The following MDGA2 variants were observed in gnomAD, a reference collection of about 807,000 sequenced individuals.
The protein encoded by MDGA2 is MAM domain-containing glycosylphosphatidylinositol anchor protein 2.
In MDGA2, 40 loss-of-function variants were observed where a neutral mutation model predicts 117.8. The observed-to-expected ratio is 0.34, with a 90% CI of 0.26 to 0.44. MDGA2 has a LOEUF of 0.44. MDGA2 is among the 20% of genes least tolerant of loss of function. MDGA2 has a pLI of 1.00. For synonymous variants in MDGA2, 452 were observed against 439.0 expected (o/e 1.03, Z -0.37); for missense variants, 1,123 against 1,250.6 (o/e 0.90, Z 1.54).
chr14:47,346,398 A>G (rs1890763233), intron 1 of MDGA2, among the ~76,000 whole-genome samples: 1 of 152,180 alleles, frequency 6.6e-6, no homozygotes, highest in Admixed American at 6.5e-5. Flanking sequence ...AAAAATATGC[A>G]AATTTTATAC....
intron 1 of MDGA2, among the ~76,000 whole-genome samples, chr14:47,477,339 T>C (rs1189459698): frequency 6.6e-6 from 1 of 152,148 alleles, no homozygotes; most frequent in African/African-American, 2.4e-5. Flanking sequence ...TTAGAAAACA[T>C]GTATTTCAAT....
intron 1 of MDGA2, among the ~76,000 whole-genome samples, chr14:47,552,594 C>G (rs950032957): frequency 2.0e-5 from 3 of 152,114 alleles, no homozygotes; most frequent in Admixed American, 2.0e-4. Context: ...ATGGTCCAAA[C>G]CATCACCATC....
chr14:47,259,464 T>G (rs928492422), intron 2 of MDGA2, among the ~76,000 whole-genome samples: 2 of 152,118 alleles, frequency 1.3e-5, no homozygotes, highest in Non-Finnish European at 2.9e-5. Flanking sequence ...GCTTTTCTCC[T>G]TAAAAAACTC....
intron 2 of MDGA2, among the ~76,000 whole-genome samples, chr14:47,279,320 GTGTTAGATTAAGCTAGTT>G (rs1888402482): frequency 2.0e-5 from 3 of 152,164 alleles, no homozygotes; most frequent in Admixed American, 2.0e-4. Context: ...TTATTAATAA[GTGTTAGATTAAGCTAGTT>G]TTGGTCTAAG....
chr14:47,108,646 C>G (rs1261437428), intron 5 of MDGA2, among the ~76,000 whole-genome samples: 2 of 151,054 alleles, frequency 1.3e-5, no homozygotes, highest in Non-Finnish European at 3.0e-5. Context: ...AACGGCCCCA[C>G]CCTTATCTCC....
chr14:46,853,426 G>A (rs1881140779), intron 15 of MDGA2, among the ~76,000 whole-genome samples: 1 of 151,638 alleles, frequency 6.6e-6, no homozygotes, highest in African/African-American at 2.4e-5. Flanking sequence ...TGAACACAAA[G>A]CACATATAGA....
At chr14:47,063,672 T>C (rs1202095581) in intron 6 of MDGA2, among the ~76,000 whole-genome samples, 1 of 152,036 alleles carries the variant, frequency 6.6e-6, no homozygotes, top group Non-Finnish European at 1.5e-5. Context: ...TTTCCCTTCA[T>C]TTGCTAAGAA....
chr14:47,297,426 A>G, intron 2 of MDGA2, among the ~76,000 whole-genome samples: 1 of 127,240 alleles, frequency 7.9e-6, no homozygotes, highest in Non-Finnish European at 1.6e-5. Context: ...AGGAGAGGGG[A>G]GTGGAGGGGA....
intron 2 of MDGA2, among the ~76,000 whole-genome samples, chr14:47,280,070 T>G (rs1594769730): frequency 6.6e-6 from 1 of 151,606 alleles, no homozygotes; most frequent in Admixed American, 6.6e-5. Flanking sequence ...TCTGAGCACT[T>G]CTGGGAGGCC....
chr14:47,289,112 T>C (rs561364959), intron 2 of MDGA2, among the ~76,000 whole-genome samples: 1 of 152,172 alleles, frequency 6.6e-6, no homozygotes, highest in Non-Finnish European at 1.5e-5. Context: ...TAATGAGTGT[T>C]TCATTAGATT....
chr14:47,106,500 T>C (rs543475696), intron 5 of MDGA2, among the ~76,000 whole-genome samples: 65 of 151,834 alleles, frequency 4.3e-4, no homozygotes, highest in South Asian at 1.9e-3. Context: ...GCCCGCAGCC[T>C]GGGATTCCTC....
At chr14:47,274,180 C>A (rs1209300617) in intron 2 of MDGA2, among the ~76,000 whole-genome samples, 1 of 151,990 alleles carries the variant, frequency 6.6e-6, no homozygotes, top group East Asian at 1.9e-4. Context: ...TTTTGGTTCC[C>A]TCTAAAAGAA....
rs1345398176 is a variant in MDGA2 at position 46,867,155 on chromosome 14, A to G, written c.2752+6278T>C. On this transcript the variant is annotated intron_variant, in intron 14 of 16. Transcript: ENST00000399232. ...TTGGAACCAACCCAAATGTCCAACA[A>G]TGATAGACTGGATTAAGAAAATGTG... Among the ~76,000 whole-genome samples, 21 of 152,342 alleles carry G rather than the reference A, an allele frequency of 1.4e-4. No homozygotes were observed. The East Asian group carries it at 1.7e-3, about 13-fold the overall frequency.
intron 6 of MDGA2, among the ~76,000 whole-genome samples, chr14:47,082,792 A>G (rs1400147340): frequency 6.6e-6 from 1 of 152,070 alleles, no homozygotes; most frequent in Non-Finnish European, 1.5e-5. Context: ...TAAAATAGCT[A>G]TGATAGAAAT....
intron 1 of MDGA2, among the ~76,000 whole-genome samples, chr14:47,407,386 A>C (rs1207397152): frequency 6.6e-6 from 1 of 152,128 alleles, no homozygotes; most frequent in Non-Finnish European, 1.5e-5. Context: ...CATTTTACTA[A>C]TAATGCAGTA....
intron 1 of MDGA2, among the ~76,000 whole-genome samples, chr14:47,314,948 T>C (rs1314227680): frequency 2.0e-5 from 3 of 152,152 alleles, no homozygotes; most frequent in East Asian, 3.9e-4. Context: ...TTGCATATTG[T>C]GTACCTAGAG....
chr14:47,302,029 G>T (rs1033976978), intron 1 of MDGA2, among the ~76,000 whole-genome samples: 1 of 152,168 alleles, frequency 6.6e-6, no homozygotes, highest in East Asian at 1.9e-4. Context: ...AAGATGATTT[G>T]GTTTTCAGGA....
chr14:46,947,277 C>T (rs1250020963), intron 9 of MDGA2, among the ~76,000 whole-genome samples: 1 of 152,092 alleles, frequency 6.6e-6, no homozygotes, highest in Non-Finnish European at 1.5e-5. Flanking sequence ...TGTCAAGTTG[C>T]ACAAAGTTTA....
chr14:47,343,313 G>GCT, intron 1 of MDGA2: 1 of 1,063,514 alleles, frequency 9.4e-7, no homozygotes, highest in South Asian at 2.3e-5. Context: ...GTAATGAGAC[G>GCT]CTGTGAGTCT....
Sources: allele counts gnomAD v4.1 joint callset (sites outside exome capture counted in the v4.1 genomes callset), GRCh38; gene constraint gnomAD v4.1.1; transcripts MANE v1.5; gene names NCBI Gene and HGNC (gene_info 2026-07-23, HGNC 2026-07-21).